The following SATB2 variants were observed in gnomAD, a reference collection of about 807,000 sequenced individuals.
SATB2 encodes the protein SATB homeobox 2.
A neutral mutation model predicts 73.4 loss-of-function variants in SATB2; 1 was observed. The ratio of observed to expected loss-of-function variants is 0.01; its 90% CI spans 0.00 to 0.06. The LOEUF (loss-of-function observed/expected upper bound fraction) is 0.06, where lower values mean the gene tolerates loss of function less well. Ranked by LOEUF, SATB2 falls within the 10% of genes least tolerant of loss-of-function variation. The pLI, the probability that SATB2 is intolerant of heterozygous loss-of-function variation, is 1.00. For synonymous variants in SATB2, 397 were observed against 367.0 expected, an observed-to-expected ratio of 1.08 and a Z score of -0.93; for missense variants, 459 against 945.8, an observed-to-expected ratio of 0.49 and a Z score of 6.75.
intron 10 of SATB2, among the ~76,000 whole-genome samples, chr2:199,294,215 A>G (rs1692957875): frequency 1.3e-5 from 2 of 152,178 alleles, no homozygotes; most frequent in South Asian, 2.1e-4. Context: ...ACATGTTCAT[A>G]TGGTATAAAG....
intron 6 of SATB2, among the ~76,000 whole-genome samples, chr2:199,357,944 A>T (rs1451213985): frequency 1.3e-5 from 2 of 152,160 alleles, no homozygotes; most frequent in Non-Finnish European, 2.9e-5. Flanking sequence ...ATAATATAAC[A>T]GCTTGAGAAT....
rs1002226518 is a variant in SATB2 at position 199,340,407 on chromosome 2, C to A, written c.1173+8294G>T. 2.0e-5 allele frequency among the ~76,000 whole-genome samples: 3 copies of A among 152,296 alleles called. No individual in the cohort carries two copies. The East Asian group carries it at 5.8e-4, about 29-fold the overall frequency. ...GGTTGCAAATTGTGTAACTCTACAA[C>A]TTTTTCAATGAACTGAAGGAGCAAG... is the stretch of plus-strand genomic sequence containing the variant. On this transcript the variant is annotated intron_variant, in intron 7 of 10. Transcript: ENST00000417098.
intron 7 of SATB2, among the ~76,000 whole-genome samples, chr2:199,340,909 G>A (rs1688487391): frequency 6.6e-6 from 1 of 152,276 alleles, no homozygotes; most frequent in Middle Eastern, 3.4e-3. Context: ...GTTAGTAAAA[G>A]GGGGATTTCT....
At chr2:199,389,866 C>T (rs1348265998) in intron 3 of SATB2, among the ~76,000 whole-genome samples, 2 of 151,836 alleles carry the variant, frequency 1.3e-5, no homozygotes, top group African/African-American at 4.8e-5. Flanking sequence ...AAGCTGACTA[C>T]CCCCTTACAC....
intron 7 of SATB2, among the ~76,000 whole-genome samples, chr2:199,341,525 T>C (rs527478493): frequency 1.6e-4 from 24 of 152,332 alleles, no homozygotes; most frequent in African/African-American, 5.3e-4. Flanking sequence ...TCATTTTTAT[T>C]CATTCTCTCT....
chr2:199,309,441 C>T (rs1687532786), intron 9 of SATB2, among the ~76,000 whole-genome samples: 1 of 152,178 alleles, frequency 6.6e-6, no homozygotes, highest in South Asian at 2.1e-4. Flanking sequence ...ATCAATAACT[C>T]CACAAAATAG....
At chr2:199,287,330 T>C (rs1333507383) in intron 10 of SATB2, among the ~76,000 whole-genome samples, 7 of 152,136 alleles carry the variant, frequency 4.6e-5, no homozygotes, top group African/African-American at 1.7e-4. Context: ...TTAATTCCTT[T>C]TAAATGAAAA....
chr2:199,292,410 A>G (rs1692895524), intron 10 of SATB2, among the ~76,000 whole-genome samples: 1 of 152,222 alleles, frequency 6.6e-6, no homozygotes, highest in Non-Finnish European at 1.5e-5. Context: ...GGGCAGGCAA[A>G]TGTATTCAAG....
chr2:199,310,999 C>T (rs1687579610), intron 9 of SATB2, among the ~76,000 whole-genome samples: 1 of 152,178 alleles, frequency 6.6e-6, no homozygotes, highest in African/African-American at 2.4e-5. Context: ...CACTACAGGC[C>T]TCATTATGGA....
intron 10 of SATB2, among the ~76,000 whole-genome samples, chr2:199,294,362 T>G (rs2105747027): frequency 6.6e-6 from 1 of 152,328 alleles, no homozygotes; most frequent in African/African-American, 2.4e-5. Context: ...TCTCTCCTGG[T>G]AAATCAGTAG....
chr2:199,276,440 T>C (rs1159045308), intron 10 of SATB2, among the ~76,000 whole-genome samples: 1 of 152,208 alleles, frequency 6.6e-6, no homozygotes, highest in African/African-American at 2.4e-5. Flanking sequence ...GAATCAAATT[T>C]GGTCTCTGTC....
At chr2:199,293,730 T>C (rs1314167915) in intron 10 of SATB2, among the ~76,000 whole-genome samples, 1 of 152,162 alleles carries the variant, frequency 6.6e-6, no homozygotes, top group Non-Finnish European at 1.5e-5. Context: ...GATTCGCTTT[T>C]GGTATTCAGT....
chr2:199,387,050 T>A (rs113183750), intron 3 of SATB2, among the ~76,000 whole-genome samples: 1 of 152,182 alleles, frequency 6.6e-6, no homozygotes, highest in African/African-American at 2.4e-5. Flanking sequence ...TTATGTTACT[T>A]TACAGTTTGC....
intron 5 of SATB2, among the ~76,000 whole-genome samples, chr2:199,369,717 A>G (rs1433218200): frequency 6.6e-6 from 1 of 152,188 alleles, no homozygotes; most frequent in African/African-American, 2.4e-5. Context: ...TAGAACTTCT[A>G]ACGACATTTC....
chr2:199,354,991 C>T (rs766579194), intron 6 of SATB2, among the ~76,000 whole-genome samples: 1 of 152,002 alleles, frequency 6.6e-6, no homozygotes, highest in South Asian at 2.1e-4. Context: ...TATATTCCTC[C>T]CTCAGGAATT....
At chr2:199,390,786 G>A (rs987999007) in intron 3 of SATB2, among the ~76,000 whole-genome samples, 1 of 152,028 alleles carries the variant, frequency 6.6e-6, no homozygotes, top group Non-Finnish European at 1.5e-5. Flanking sequence ...TGGCTTTCCA[G>A]GTACTCCATG....
intron 10 of SATB2, among the ~76,000 whole-genome samples, chr2:199,307,900 C>G (rs1451981291): frequency 2.0e-5 from 3 of 152,152 alleles, no homozygotes; most frequent in Non-Finnish European, 4.4e-5. Context: ...ATATGCACTC[C>G]TGCCTCAACT....
At chr2:199,458,952 C>T (rs964316942), upstream of SATB2, among the ~76,000 whole-genome samples, 2 of 152,086 alleles carry the variant, frequency 1.3e-5, no homozygotes, top group African/African-American at 4.8e-5. Flanking sequence ...GTCCCGAATG[C>T]CAGGAGCACG....
At chr2:199,431,278 C>T (rs1411777358) in intron 3 of SATB2, among the ~76,000 whole-genome samples, 5 of 152,186 alleles carry the variant, frequency 3.3e-5, no homozygotes, top group Non-Finnish European at 7.3e-5. Context: ...CAGCAAACAG[C>T]ATACTTTTAA....
Sources: allele counts gnomAD v4.1 joint callset (sites outside exome capture counted in the v4.1 genomes callset), GRCh38; gene constraint gnomAD v4.1.1; transcripts MANE v1.5; gene names NCBI Gene and HGNC (gene_info 2026-07-23, HGNC 2026-07-21).